The following DDX17 variants were observed in gnomAD, a reference collection of about 807,000 sequenced individuals.
DDX17 encodes the protein probable ATP-dependent RNA helicase DDX17.
Under a neutral mutation model 80.8 loss-of-function variants are expected in DDX17, and 10 were observed. That is an observed-to-expected ratio of 0.12 (90% CI 0.08 to 0.21). The LOEUF is 0.21. DDX17 is among the 10% of genes least tolerant of loss of function. The probability of loss-of-function intolerance (pLI) is 1.00; values close to 1 mark genes in which losing one functional copy is unlikely to be tolerated. For synonymous variants in DDX17, 339 were observed against 336.2 expected (o/e 1.01, Z -0.09); for missense variants, 586 against 957.4 (o/e 0.61, Z 5.12).
Position 38,501,185 on chromosome 22 carries a change from G to A in DDX17, c.383C>T (p.Pro128Leu), listed in dbSNP as rs745353975. 2 of 1,613,370 alleles carry A rather than the reference G, an allele frequency of 1.2e-6. No individual in the cohort carries two copies. The highest frequency in any genetic ancestry group is 1.3e-5 in the African/African-American group (1 of 74,746). ...CACATAAAAATTTTTCTCAAACTTG[G>A]GGAGCTCACTCAAATCCCACTTTTT... Residue 128 changes from proline (P) to leucine (L), a missense_variant, in exon 2 of 13, where the codon CCC becomes CTC. Pro to Leu is a moderately conservative substitution (Grantham distance 98). Transcript: ENST00000403230.
In DDX17 at chr22:38,485,832, A is replaced by AT; in HGVS notation, c.*102_*103insA. 7.2e-7 allele frequency: 1 copy of AT among 1,382,094 alleles called. No homozygotes were observed. Among genetic ancestry groups the AT allele is most frequent in the Non-Finnish European group, 9.4e-7 (1 of 1,062,146 alleles). 85.6% of individuals were successfully genotyped at this position (1,382,094 alleles called of 1,614,324 possible). A position where few individuals can be genotyped will look rare whatever the true frequency, so the allele number is the denominator to read the frequency against. ...GGGGAAAAATTAAAAAAAAAAAAAG[A>AT]AAAAAGGAAAAAAAAAGAAAAGGCG... is the stretch of plus-strand genomic sequence containing the variant. On this transcript the variant is annotated 3_prime_UTR_variant, in exon 13 of 13. Transcript: ENST00000403230.
intron 11 of DDX17, chr22:38,490,196 A>G (rs2089699295): frequency 3.3e-6 from 4 of 1,202,160 alleles, no homozygotes; most frequent in Non-Finnish European, 4.2e-6. Flanking sequence ...CACTGCCACA[A>G]TATTATCTTG....
intron 10 of DDX17, among the ~76,000 whole-genome samples, chr22:38,493,023 A>C (rs1219940409): frequency 6.6e-6 from 1 of 152,234 alleles, no homozygotes; most frequent in Non-Finnish European, 1.5e-5. Flanking sequence ...AAGTTGTGAA[A>C]AAGTTTAAAG....
chr22:38,505,878 G>C (rs2089877120), intron 1 of DDX17, 73 bp downstream of exon 1: 2 of 1,501,178 alleles, frequency 1.3e-6, no homozygotes, highest in Admixed American at 4.3e-5. Flanking sequence ...CAGGCTCGCA[G>C]TCCGCCGGGC....
chr22:38,489,971 T>C lies in DDX17; in HGVS notation c.1448-1856A>G. On this transcript the variant is annotated intron_variant, in intron 11 of 12. Coordinates refer to ENST00000403230, the MANE Select transcript of DDX17 (RefSeq NM_006386.5). The surrounding 1 kb of genome is among the most constrained non-coding windows in gnomAD (Gnocchi z 4.6). ...ACTACACTGGATGCGTTAAGTGTGC[T>C]TTCCTAGCAGAAAGCACCAGGGTGG... The C allele has an allele frequency of 9.9e-7, 1 of 1,013,272 alleles. No individual in the cohort carries two copies. Among genetic ancestry groups the C allele is most frequent in the Non-Finnish European group, 1.2e-6 (1 of 846,000 alleles). 62.8% of individuals were successfully genotyped at this position (1,013,272 alleles called of 1,614,324 possible).
At chr22:38,505,869 A>C in intron 1 of DDX17, 82 bp downstream of exon 1, 1 of 1,479,604 alleles carries the variant, frequency 6.8e-7, no homozygotes, top group Non-Finnish European at 9.1e-7. Flanking sequence ...CAAGGCTCCC[A>C]GGCTCGCAGT....
At chr22:38,487,607 A>G (rs2089673028) in intron 12 of DDX17, among the ~76,000 whole-genome samples, 1 of 152,220 alleles carries the variant, frequency 6.6e-6, no homozygotes, top group Non-Finnish European at 1.5e-5. Flanking sequence ...CGACAGAGCA[A>G]GACTCCGTCT....
rs372412346 is a variant in DDX17, at chr22:38,494,621, C to T, written c.1214+9G>A. 6.2e-7 allele frequency: 1 copy of T among 1,612,918 alleles called. No individual in the cohort carries two copies. Among genetic ancestry groups the T allele is most frequent in the Non-Finnish European group, 8.5e-7 (1 of 1,179,340 alleles). The stretch of plus-strand genomic sequence containing the variant: ...GCATTATCAAATCAGAGTAAAATAT[C>T]TTTCATACTTGTGGTCTTTTTCACT... On this transcript the variant is annotated intron_variant, in intron 8 of 12. Transcript: ENST00000403230.
chr22:38,489,945 T>TA lies in DDX17; in HGVS notation c.1448-1831dup. 3 of 1,000,906 alleles carry TA rather than the reference T, an allele frequency of 3.0e-6. No individual in the cohort carries two copies. Among genetic ancestry groups the TA allele is most frequent in the Non-Finnish European group, 3.6e-6 (3 of 838,778 alleles). 62.0% of individuals were successfully genotyped at this position (1,000,906 alleles called of 1,614,324 possible). On this transcript the variant is annotated intron_variant, in intron 11 of 12. Transcript: ENST00000403230. The surrounding 1 kb of genome is among the most constrained non-coding windows in gnomAD (Gnocchi z 4.6). ...ACCATGGCAGTAGAACAAGTTCAAT[T>TA]ACTACACTGGATGCGTTAAGTGTGC...
rs968454429 is a variant in DDX17, at chr22:38,483,531, C to T, written c.*2404G>A. 1 of 152,608 alleles carries T rather than the reference C, an allele frequency of 6.6e-6. No homozygotes were observed. The highest frequency in any genetic ancestry group is 2.4e-5 in the African/African-American group (1 of 41,438). 9.5% of individuals were successfully genotyped at this position (152,608 alleles called of 1,614,324 possible). On this transcript the variant is annotated 3_prime_UTR_variant, in exon 13 of 13. Coordinates refer to ENST00000403230, the MANE Select transcript of DDX17 (RefSeq NM_006386.5). ...TTACAAACTAAGAATAGTAACATAG[C>T]TTTCAGCATCCTGTGCCTGAACATC...
At chr22:38,493,959 C>A in intron 9 of DDX17, 62 bp downstream of exon 9, 1 of 1,400,550 alleles carries the variant, frequency 7.1e-7, no homozygotes, top group South Asian at 1.2e-5. Context: ...TTTGGAATAC[C>A]AATTTAGAAA....
At chr22:38,501,392 CAA>C (rs1012324934) in intron 1 of DDX17, 112 bp from the exon 2 acceptor site, 42 of 1,237,898 alleles carry the variant, frequency 3.4e-5, no homozygotes, top group Non-Finnish European at 4.4e-5. Context: ...AGCCTACCTC[CAA>C]AAAGACCATT....
chr22:38,485,378 CA>C lies in DDX17; in HGVS notation c.*556del, dbSNP rs1373892825. ...TATCAAATGCACTCCAGCAATCAGT[CA>C]AAACAGGCCCGAGGAAACCTGTTCC... On this transcript the variant is annotated 3_prime_UTR_variant, in exon 13 of 13. Transcript: ENST00000403230. 1 of 152,134 alleles carries C rather than the reference CA, an allele frequency of 6.6e-6. No homozygotes were observed. The highest frequency in any genetic ancestry group is 2.4e-5 in the African/African-American group (1 of 41,420). The allele number at this position is 152,134 out of a possible 1,614,324, so 9.4% of individuals were successfully genotyped here.
intron 5 of DDX17, among the ~76,000 whole-genome samples, chr22:38,497,322 A>AAG (rs2089778803): frequency 1.4e-5 from 2 of 142,090 alleles, no homozygotes; most frequent in Non-Finnish European, 3.0e-5. Context: ...AAAAAAAAAA[A>AAG]GTACACATTC....
chr22:38,494,235 T>C lies in DDX17; in HGVS notation c.1215-104A>G, dbSNP rs551007313. 1.8e-5 allele frequency: 14 copies of C among 796,916 alleles called. No individual in the cohort carries two copies. In the East Asian group the frequency reaches 3.1e-4, roughly 17 times the overall value. 49.4% of individuals were successfully genotyped at this position (796,916 alleles called of 1,614,324 possible). A position where few individuals can be genotyped will look rare whatever the true frequency, so the allele number is the denominator to read the frequency against. The stretch of plus-strand genomic sequence containing the variant: ...AGGCTACAGTACTTTCTTTGCACAT[T>C]ACGCTTTTAAAATTTTTAATAACTA... On this transcript the variant is annotated intron_variant, in intron 8 of 12. Coordinates refer to ENST00000403230, the MANE Select transcript of DDX17 (RefSeq NM_006386.5).
chr22:38,494,569 T>G, intron 8 of DDX17, 61 bp downstream of exon 8: 1 of 1,524,220 alleles, frequency 6.6e-7, no homozygotes, highest in Non-Finnish European at 9.0e-7. Flanking sequence ...GTACTAATTT[T>G]GGAGGGTTAT....
intron 3 of DDX17, 136 bp downstream of exon 3, chr22:38,499,264 G>GAACTGATGACCAT: frequency 1.5e-6 from 1 of 676,886 alleles, no homozygotes; most frequent in Admixed American, 2.7e-5. Flanking sequence ...TACTAGAACA[G>GAACTGATGACCAT]AACTGATGAC....
intron 11 of DDX17, chr22:38,490,151 T>A (rs138000329): frequency 1.7e-6 from 2 of 1,155,330 alleles, no homozygotes; most frequent in East Asian, 1.3e-4. Context: ...AGAATTTGGT[T>A]TTCTCCAGTC....
At chr22:38,504,207 A>T (rs763026773) in intron 1 of DDX17, among the ~76,000 whole-genome samples, 97 of 152,292 alleles carry the variant, frequency 6.4e-4, no homozygotes, top group Non-Finnish European at 1.1e-3. Flanking sequence ...TCCTTAATTA[A>T]ATGTGTCACC....
Sources: allele counts gnomAD v4.1 joint callset (sites outside exome capture counted in the v4.1 genomes callset), GRCh38; gene constraint gnomAD v4.1.1; non-coding constraint Gnocchi (gnomAD v3.1); transcripts MANE v1.5; gene names NCBI Gene and HGNC (gene_info 2026-07-23, HGNC 2026-07-21).